RAF1: variants seen among roughly 807,000 people sequenced by gnomAD.
The protein encoded by RAF1 is RAF proto-oncogene serine/threonine-protein kinase.
Under a neutral mutation model 81.1 loss-of-function variants are expected in RAF1, and 27 were observed. That is an observed-to-expected ratio of 0.33 (90% CI 0.25 to 0.46). The LOEUF is 0.46. Among genes scored for constraint, RAF1 ranks in the 20% least tolerant of loss-of-function variants. The pLI is 1.00. For missense variants in RAF1, 598 were observed against 826.0 expected, an observed-to-expected ratio of 0.72 and a Z score of 3.38; for synonymous variants, 298 against 294.0, an observed-to-expected ratio of 1.01 and a Z score of -0.14.
At chr3:12,626,803 T>C (rs1445240289) in intron 1 of RAF1, among the ~76,000 whole-genome samples, 1 of 151,386 alleles carries the variant, frequency 6.6e-6, no homozygotes, top group Non-Finnish European at 1.5e-5. Flanking sequence ...GCAGGTGAAT[T>C]ACCTGAGGTC....
At chr3:12,601,980 G>A (rs980086017) in intron 8 of RAF1, among the ~76,000 whole-genome samples, 2 of 152,204 alleles carry the variant, frequency 1.3e-5, no homozygotes, top group African/African-American at 4.8e-5. Context: ...AATAGAAATC[G>A]GCAGCTGTAA....
At chr3:12,647,839 C>T (rs1368306845) in intron 1 of RAF1, among the ~76,000 whole-genome samples, 1 of 152,078 alleles carries the variant, frequency 6.6e-6, no homozygotes, top group Admixed American at 6.6e-5. Flanking sequence ...AGATGACAGC[C>T]CAGAATAAAC....
chr3:12,612,649 CAAAAAAA>C (rs546490049), intron 2 of RAF1, among the ~76,000 whole-genome samples: 1 of 74,688 alleles, frequency 1.3e-5, no homozygotes, highest in South Asian at 5.2e-4. Context: ...GACTCCGTCT[CAAAAAAA>C]AAAAAAAAAA....
rs2125406805 is a variant in RAF1, at chr3:12,606,256, G to C, written c.625C>G (p.Leu209Val). The C allele has an allele frequency of 6.2e-7, 1 of 1,614,038 alleles. No homozygotes were observed. Among genetic ancestry groups the C allele is most frequent in the Non-Finnish European group, 8.5e-7 (1 of 1,179,908 alleles). The change falls in exon 6 of 18, where the codon CTA (leucine) becomes GTA (valine). Residue 209 changes from leucine to valine, a missense_variant. Physicochemically the swap from Leu to Val is conservative, Grantham distance 32 (BLOSUM62 1). Transcript: ENST00000442415. ...ATACGACGCATAGTCAAAGAAGGTA[G>C]TGCTGGGACTCCACTATCACCAATA... is the stretch of plus-strand genomic sequence containing the variant.
chr3:12,596,462 G>A (rs1276322192), intron 11 of RAF1, among the ~76,000 whole-genome samples: 1 of 152,078 alleles, frequency 6.6e-6, no homozygotes, highest in Non-Finnish European at 1.5e-5. Context: ...CCAAAGTGCT[G>A]GGATTACAGG....
intron 1 of RAF1, among the ~76,000 whole-genome samples, chr3:12,642,066 T>G: frequency 6.6e-6 from 1 of 151,934 alleles, no homozygotes; most frequent in Admixed American, 6.6e-5. Flanking sequence ...AAGAATTGCT[T>G]GAACCCAGGA....
At chr3:12,631,334 C>CA in intron 1 of RAF1, among the ~76,000 whole-genome samples, 1 of 152,308 alleles carries the variant, frequency 6.6e-6, no homozygotes, top group South Asian at 2.1e-4. Context: ...CGCAGTGGCT[C>CA]ACGCCTGTAA....
chr3:12,627,208 T>A (rs1224978517), intron 1 of RAF1, among the ~76,000 whole-genome samples: 1 of 152,162 alleles, frequency 6.6e-6, no homozygotes, highest in Non-Finnish European at 1.5e-5. Context: ...TCATAATTTA[T>A]CATGATATCT....
chr3:12,645,499 T>C (rs73132346), intron 1 of RAF1, among the ~76,000 whole-genome samples: 1,578 of 152,334 alleles, frequency 0.01, 21 homozygotes, highest in African/African-American at 0.036. Context: ...CTGATTTGAA[T>C]GGTACAATGG....
At chr3:12,651,418 G>C (rs2060521235) in intron 1 of RAF1, among the ~76,000 whole-genome samples, 1 of 152,184 alleles carries the variant, frequency 6.6e-6, no homozygotes, top group Admixed American at 6.5e-5. Context: ...TGGATCACCT[G>C]AGGTCCAGAG....
intron 1 of RAF1, among the ~76,000 whole-genome samples, chr3:12,621,709 T>G (rs1429756581): frequency 6.6e-6 from 1 of 152,196 alleles, no homozygotes; most frequent in East Asian, 1.9e-4. Flanking sequence ...CTTGAAAAAC[T>G]GTGGTAAAGA....
chr3:12,623,998 G>A (rs1478507030), intron 1 of RAF1, among the ~76,000 whole-genome samples: 1 of 151,706 alleles, frequency 6.6e-6, no homozygotes, highest in African/African-American at 2.4e-5. Flanking sequence ...GGGATTACAG[G>A]CATGTACCAC....
chr3:12,603,394 T>C (rs2058924195), intron 8 of RAF1: 1 of 582,326 alleles, frequency 1.7e-6, no homozygotes, highest in Non-Finnish European at 3.1e-6. Flanking sequence ...TTAGCAACTA[T>C]TTCATTTTTG....
intron 1 of RAF1, among the ~76,000 whole-genome samples, chr3:12,639,349 A>G (rs2060118708): frequency 6.6e-6 from 1 of 152,212 alleles, no homozygotes; most frequent in African/African-American, 2.4e-5. Context: ...CCTATTTAAC[A>G]TAGTGTCGGA....
chr3:12,584,603 C>T lies in RAF1; in HGVS notation c.1918G>A (p.Ala640Thr), dbSNP rs865905076. 3 of 1,614,030 alleles carry T rather than the reference C, an allele frequency of 1.9e-6. No individual in the cohort carries two copies. The highest frequency in any genetic ancestry group is 8.5e-7 in the Non-Finnish European group (1 of 1,179,962). The change falls in exon 18 of 18, where the codon GCT (alanine) becomes ACT (threonine). Residue 640 changes from alanine to threonine, a missense_variant. Transcript: ENST00000442415. ...GCCCGATGCAAGGATGGCTCGGAAG[C>T]GCTCCGGTTGATCTTCGGTAGAGAG... is the stretch of plus-strand genomic sequence containing the variant.
At chr3:12,624,365 A>G (rs373980578) in intron 1 of RAF1, among the ~76,000 whole-genome samples, 1 of 152,192 alleles carries the variant, frequency 6.6e-6, no homozygotes, top group African/African-American at 2.4e-5. Flanking sequence ...ATCTGAAAAC[A>G]AGGAGGAAAA....
chr3:12,590,723 T>C (rs982748443), intron 13 of RAF1, 75 bp downstream of exon 12: 6 of 1,493,450 alleles, frequency 4.0e-6, no homozygotes, highest in African/African-American at 2.8e-5. Context: ...CTAGAAGGCT[T>C]TTCCTGATCC....
At chr3:12,658,170 A>C (rs961447977) in intron 1 of RAF1, among the ~76,000 whole-genome samples, 3 of 152,228 alleles carry the variant, frequency 2.0e-5, no homozygotes, top group African/African-American at 7.2e-5. Flanking sequence ...CCTGAAAGCA[A>C]GAACAGTATA....
chr3:12,653,546 A>C (rs2060597487), intron 1 of RAF1, among the ~76,000 whole-genome samples: 2 of 152,010 alleles, frequency 1.3e-5, no homozygotes, highest in African/African-American at 2.4e-5. Flanking sequence ...GGAGTTCGAG[A>C]CCAGCCTGGC....
Sources: allele counts gnomAD v4.1 joint callset (sites outside exome capture counted in the v4.1 genomes callset), GRCh38; gene constraint gnomAD v4.1.1; transcripts MANE v1.5; gene names NCBI Gene and HGNC (gene_info 2026-07-23, HGNC 2026-07-21).